The following ADGRV1 variants were observed in gnomAD, a reference collection of about 807,000 sequenced individuals.
ADGRV1 encodes adhesion G protein-coupled receptor V1.
Under a neutral mutation model 596.2 loss-of-function variants are expected in ADGRV1, and 359 were observed. The ratio of observed to expected loss-of-function variants is 0.60; its 90% CI spans 0.55 to 0.66. The LOEUF (loss-of-function observed/expected upper bound fraction) is 0.66, where lower values mean the gene tolerates loss of function less well. Among genes scored for constraint, ADGRV1 ranks in the 30% least tolerant of loss-of-function variants. The pLI is 0.00. For synonymous variants in ADGRV1, 2,681 were observed against 2,679.2 expected (o/e 1.00, Z -0.02); for missense variants, 7,274 against 7,575.6 (o/e 0.96, Z 1.48).
intron 85 of ADGRV1, chr5:91,031,019 T>G (rs998989857): frequency 2.0e-6 from 3 of 1,496,056 alleles, no homozygotes; most frequent in African/African-American, 2.8e-5. Context: ...CTGATCTGAT[T>G]AGAAACCTTG....
intron 50 of ADGRV1, among the ~76,000 whole-genome samples, chr5:90,730,171 T>A (rs1193167225): frequency 6.6e-6 from 1 of 152,202 alleles, no homozygotes; most frequent in Non-Finnish European, 1.5e-5. Context: ...CTGGGTATTT[T>A]AATAGGAATG....
chr5:90,870,943 G>A (rs1768608547), intron 83 of ADGRV1, among the ~76,000 whole-genome samples: 1 of 152,178 alleles, frequency 6.6e-6, no homozygotes, highest in Non-Finnish European at 1.5e-5. Context: ...CTAGGCAAGT[G>A]ACTCCCTGCT....
chr5:90,602,751 A>G (rs1483507955), intron 1 of ADGRV1, among the ~76,000 whole-genome samples: 2 of 152,214 alleles, frequency 1.3e-5, no homozygotes. Context: ...AACTGGAATA[A>G]AGTGTTGACT....
rs763480091 is a variant in ADGRV1, at chr5:90,627,719, C to T, written c.1181C>T (p.Ser394Leu). ...KPNDKPYGVLSFNSVLFERTV... is the reference protein window; with the variant it reads ...KPNDKPYGVLLFNSVLFERTV... The stretch of plus-strand genomic sequence containing the variant: ...AATGATAAACCTTATGGAGTCCTTT[C>T]ATTCAACAGTGTTTTGTTTGAAAGG... The change falls in exon 7 of 90, where the codon TCA becomes TTA. Residue 394 changes from serine to leucine, a missense_variant. Around this residue, in one of 5 missense-constraint regions of ADGRV1, gnomAD observed 1,715 missense variants for 1,708.8 expected, o/e 1.00. Coordinates refer to ENST00000405460, the MANE Select transcript of ADGRV1 (RefSeq NM_032119.4). 1.9e-6 allele frequency: 3 copies of T among 1,599,910 alleles called. No homozygotes were observed. Among genetic ancestry groups the T allele is most frequent in the South Asian group, 2.3e-5 (2 of 88,218 alleles).
intron 75 of ADGRV1, among the ~76,000 whole-genome samples, chr5:90,818,891 C>A (rs1763185719): frequency 6.7e-6 from 1 of 149,326 alleles, no homozygotes; most frequent in African/African-American, 2.5e-5. Context: ...TTGGTTGTGT[C>A]TCTGCCCGGC....
intron 77 of ADGRV1, among the ~76,000 whole-genome samples, chr5:90,834,883 CTTT>C: frequency 6.6e-6 from 1 of 150,770 alleles, no homozygotes; most frequent in Admixed American, 6.6e-5. Flanking sequence ...CTCTTTCTTT[CTTT>C]TTTCTTTCTT....
chr5:90,654,637 C>T lies in ADGRV1; in HGVS notation c.4378+685C>T, dbSNP rs73181653. The stretch of plus-strand genomic sequence containing the variant: ...AGCCCCTCCATCTTATGATTTTATT[C>T]TTTTTTATATTTCGTGAAAGATAGA... On this transcript the variant is annotated intron_variant, in intron 20 of 89. Transcript: ENST00000405460. 1,516 of 152,474 alleles carry T rather than the reference C, an allele frequency of 9.9e-3. 13 individuals carry two copies. Among genetic ancestry groups the T allele is most frequent in the African/African-American group, 0.026 (1,063 of 41,522 alleles). 9.4% of individuals were successfully genotyped at this position (152,474 alleles called of 1,614,324 possible).
intron 21 of ADGRV1, among the ~76,000 whole-genome samples, chr5:90,664,317 G>T (rs1014810048): frequency 1.3e-5 from 2 of 149,294 alleles, no homozygotes; most frequent in African/African-American, 5.0e-5. Context: ...TCTCCTTGAA[G>T]AGGTCCTTCA....
chr5:91,100,913 G>T (rs1347418335), intron 86 of ADGRV1, among the ~76,000 whole-genome samples: 1 of 152,132 alleles, frequency 6.6e-6, no homozygotes, highest in African/African-American at 2.4e-5. Flanking sequence ...AGAAAAACTG[G>T]CTGGTAATCA....
chr5:90,961,663 C>T (rs1326970566), intron 83 of ADGRV1, among the ~76,000 whole-genome samples: 1 of 152,072 alleles, frequency 6.6e-6, no homozygotes, highest in African/African-American at 2.4e-5. Context: ...TTAGCCCAAG[C>T]AAGCGGGGAC....
At chr5:90,847,610 G>A (rs1385906524) in intron 78 of ADGRV1, among the ~76,000 whole-genome samples, 2 of 152,318 alleles carry the variant, frequency 1.3e-5, no homozygotes, top group African/African-American at 2.4e-5. Flanking sequence ...GGAGCCCACG[G>A]TGGTGGGGGG....
In ADGRV1 at chr5:90,711,313, C is replaced by T. The variant is rs759159035; in HGVS notation, c.9033C>T (p.Phe3011=). The T allele has an allele frequency of 3.1e-6, 5 of 1,607,772 alleles. No individual in the cohort carries two copies. In the East Asian group the frequency reaches 1.1e-4, roughly 36 times the overall value. ...LEAQVGLDYI[F]TPMILHFADG... is the part of the protein sequence containing the mutation. ...CACAAGTGGGGCTGGATTATATCTT[C>T]ACCCCAATGGTGGGTCTCAAAATCT... Residue 3011 remains phenylalanine, a synonymous_variant, in exon 41 of 90, where the codon TTC becomes TTT. Coordinates refer to ENST00000405460, the MANE Select transcript of ADGRV1 (RefSeq NM_032119.4).
intron 83 of ADGRV1, among the ~76,000 whole-genome samples, chr5:90,908,100 C>T (rs1772491422): frequency 6.6e-6 from 1 of 152,142 alleles, no homozygotes; most frequent in African/African-American, 2.4e-5. Flanking sequence ...ATCTGCCCAC[C>T]TCCGCCTCCC....
At chr5:90,875,262 A>G (rs902330847) in intron 83 of ADGRV1, among the ~76,000 whole-genome samples, 2 of 152,234 alleles carry the variant, frequency 1.3e-5, no homozygotes, top group Non-Finnish European at 2.9e-5. Flanking sequence ...TACATCTTTT[A>G]TAAACAAATT....
rs1364880641 is a variant in ADGRV1, at chr5:91,009,445, A to G, written c.18152+23923A>G. Reference sequence around the variant, plus strand: ...CTCTAGTGTGTTCCAAGAATAACAGAATGACTTACTGTTATCCGTCCCATG... The same window carrying G: ...CTCTAGTGTGTTCCAAGAATAACAGGATGACTTACTGTTATCCGTCCCATG... On this transcript the variant is annotated intron_variant, in intron 85 of 89. Coordinates refer to ENST00000405460, the MANE Select transcript of ADGRV1 (RefSeq NM_032119.4). Among the ~76,000 whole-genome samples the G allele has an allele frequency of 2.6e-5, 4 of 152,298 alleles. No individual in the cohort carries two copies. In the East Asian group the frequency reaches 7.7e-4, roughly 29 times the overall value.
chr5:90,925,945 C>T (rs1016862876), intron 83 of ADGRV1, among the ~76,000 whole-genome samples: 8 of 130,894 alleles, frequency 6.1e-5, no homozygotes, highest in South Asian at 2.8e-4. Flanking sequence ...TATTGATTTG[C>T]GTATATTGAA....
intron 20 of ADGRV1, among the ~76,000 whole-genome samples, chr5:90,657,505 CA>C (rs568949025): frequency 2.2e-3 from 336 of 152,104 alleles, no homozygotes; most frequent in African/African-American, 7.8e-3. Flanking sequence ...TTTAAATGTG[CA>C]AGAGTAAATT....
chr5:90,676,097 A>C lies in ADGRV1; in HGVS notation c.5331A>C (p.Leu1777Phe). The C allele has an allele frequency of 6.2e-7, 1 of 1,601,224 alleles. No individual in the cohort carries two copies. The highest frequency in any genetic ancestry group is 8.5e-7 in the Non-Finnish European group (1 of 1,172,120). The change falls in exon 25 of 90, where the codon TTA becomes TTC. Residue 1777 changes from leucine to phenylalanine, a missense_variant. Physicochemically the swap from Leu to Phe is conservative, Grantham distance 22. Around this residue, in one of 5 missense-constraint regions of ADGRV1, gnomAD observed 3,643 missense variants for 3,809.2 expected, o/e 0.96. Coordinates refer to ENST00000405460, the MANE Select transcript of ADGRV1 (RefSeq NM_032119.4). The part of the protein sequence containing the change: ...PEDYQNVAGT[L>F]EFQPGERYKY... ...TATTTCAGAATGTTGCTGGCACATT[A>C]GAATTTCAACCAGGAGAAAGATATA...
intron 88 of ADGRV1, among the ~76,000 whole-genome samples, chr5:91,150,951 A>G (rs530875615): frequency 2.6e-5 from 4 of 152,288 alleles, no homozygotes; most frequent in Admixed American, 2.6e-4. Context: ...GGCCAGGAGG[A>G]GATAGTAACA....
Sources: allele counts gnomAD v4.1 joint callset (sites outside exome capture counted in the v4.1 genomes callset), GRCh38; gene constraint gnomAD v4.1.1; regional missense constraint gnomAD v4.1.1; transcripts MANE v1.5; gene names NCBI Gene and HGNC (gene_info 2026-07-23, HGNC 2026-07-21).